The following GALNTL6 variants were observed in gnomAD, a reference collection of about 807,000 sequenced individuals.
GALNTL6 encodes polypeptide N-acetylgalactosaminyltransferase like 6.
GALNTL6 carries 46 observed loss-of-function variants against 73.7 expected under a neutral mutation model. The ratio of observed to expected loss-of-function variants is 0.62; its 90% CI spans 0.49 to 0.80. The LOEUF (loss-of-function observed/expected upper bound fraction) is 0.80. Among genes scored for constraint, GALNTL6 ranks in the 30% least tolerant of loss-of-function variants. The pLI is 0.00. For missense variants in GALNTL6, 604 were observed against 755.0 expected (o/e 0.80, Z 2.34); for synonymous variants, 259 against 263.7 (o/e 0.98, Z 0.17).
At chr4:172,133,901 C>G (rs1579170817) in intron 2 of GALNTL6, among the ~76,000 whole-genome samples, 1 of 152,196 alleles carries the variant, frequency 6.6e-6, no homozygotes, top group Non-Finnish European at 1.5e-5. Flanking sequence ...CTAGCAGATG[C>G]AGATTTTTCT....
intron 2 of GALNTL6, among the ~76,000 whole-genome samples, chr4:171,841,791 GT>G (rs1735245487): frequency 6.6e-6 from 1 of 151,822 alleles, no homozygotes; most frequent in African/African-American, 2.4e-5. Flanking sequence ...CTAATACCAG[GT>G]GCTACATCAC....
At chr4:172,032,756 A>G (rs1167415405) in intron 2 of GALNTL6, among the ~76,000 whole-genome samples, 1 of 152,104 alleles carries the variant, frequency 6.6e-6, no homozygotes, top group African/African-American at 2.4e-5. Context: ...TTTCCAAAAA[A>G]TAGAAATAGA....
rs533334025 is a variant in GALNTL6, at chr4:172,133,025, C to A, written c.139-96631C>A. On this transcript the variant is annotated intron_variant, in intron 2 of 12. Coordinates refer to ENST00000506823, the MANE Select transcript of GALNTL6 (RefSeq NM_001034845.3). ...TAGAAACTACTTACAGGATTTTCCA[C>A]TGAAAATTACAAATGAATGACTTAA... 1.5e-4 allele frequency among the ~76,000 whole-genome samples: 23 copies of A among 152,270 alleles called. No individual in the cohort carries two copies. In the South Asian group the frequency reaches 4.8e-3, roughly 32 times the overall value.
intron 5 of GALNTL6, among the ~76,000 whole-genome samples, chr4:172,368,428 A>T (rs1202969824): frequency 1.3e-5 from 2 of 152,204 alleles, no homozygotes; most frequent in Non-Finnish European, 2.9e-5. Flanking sequence ...GTAGAATGTT[A>T]TCCAGAACCT....
At chr4:171,961,357 C>A (rs1739213227) in intron 2 of GALNTL6, among the ~76,000 whole-genome samples, 1 of 152,132 alleles carries the variant, frequency 6.6e-6, no homozygotes, top group African/African-American at 2.4e-5. Flanking sequence ...CAAGTTCTCT[C>A]AGGGCCTCAA....
chr4:173,031,853 T>C (rs775600790), intron 12 of GALNTL6, among the ~76,000 whole-genome samples: 1 of 152,076 alleles, frequency 6.6e-6, no homozygotes, highest in Non-Finnish European at 1.5e-5. Flanking sequence ...TTAAAGGAAG[T>C]GTACAGGATA....
At chr4:172,922,334 C>G (rs1747839693) in intron 8 of GALNTL6, among the ~76,000 whole-genome samples, 1 of 152,068 alleles carries the variant, frequency 6.6e-6, no homozygotes, top group South Asian at 2.1e-4. Context: ...TCACATCATA[C>G]TACCAAAAAT....
At chr4:172,665,572 T>C (rs1731615433) in intron 5 of GALNTL6, among the ~76,000 whole-genome samples, 1 of 152,202 alleles carries the variant, frequency 6.6e-6, no homozygotes, top group Non-Finnish European at 1.5e-5. Flanking sequence ...CATTAGGGGA[T>C]GGTAAAAATA....
At chr4:172,477,887 A>G (rs1733297229) in intron 5 of GALNTL6, among the ~76,000 whole-genome samples, 2 of 151,886 alleles carry the variant, frequency 1.3e-5, no homozygotes, top group African/African-American at 2.4e-5. Context: ...TATGCAGTAG[A>G]AAAAAAACAG....
At chr4:172,654,397 A>C (rs747312252) in intron 5 of GALNTL6, among the ~76,000 whole-genome samples, 1 of 152,070 alleles carries the variant, frequency 6.6e-6, no homozygotes, top group Non-Finnish European at 1.5e-5. Context: ...ATCAACCTTA[A>C]CTTTAGTTCA....
At chr4:172,707,778 A>C (rs1046518810) in intron 5 of GALNTL6, among the ~76,000 whole-genome samples, 8 of 135,398 alleles carry the variant, frequency 5.9e-5, no homozygotes, top group African/African-American at 2.2e-4. Context: ...TACTAACAAG[A>C]GACATCAAGT....
At chr4:172,687,842 A>T (rs985204418) in intron 5 of GALNTL6, among the ~76,000 whole-genome samples, 1 of 152,170 alleles carries the variant, frequency 6.6e-6, no homozygotes, top group Non-Finnish European at 1.5e-5. Context: ...CAGTCTCGGG[A>T]TTATAAATAT....
chr4:171,831,146 G>T (rs1466060559), intron 2 of GALNTL6, among the ~76,000 whole-genome samples: 1 of 151,910 alleles, frequency 6.6e-6, no homozygotes, highest in African/African-American at 2.4e-5. Context: ...TCCAGCACAA[G>T]TCCTCCTTTG....
intron 2 of GALNTL6, among the ~76,000 whole-genome samples, chr4:171,866,715 C>T (rs1735980083): frequency 6.6e-6 from 1 of 152,178 alleles, no homozygotes; most frequent in South Asian, 2.1e-4. Flanking sequence ...GTTGAAGACA[C>T]TCTTGCACAT....
intron 2 of GALNTL6, among the ~76,000 whole-genome samples, chr4:171,925,781 A>G (rs575246378): frequency 2.0e-4 from 31 of 152,140 alleles, no homozygotes; most frequent in Admixed American, 7.2e-4. Context: ...ATTGATGATA[A>G]TAAGTAACTA....
At chr4:173,035,376 C>T (rs756813305) in intron 12 of GALNTL6, among the ~76,000 whole-genome samples, 1 of 137,196 alleles carries the variant, frequency 7.3e-6, no homozygotes, top group Non-Finnish European at 1.6e-5. Flanking sequence ...CGGGATTTCC[C>T]CATGTTGCTC....
intron 5 of GALNTL6, among the ~76,000 whole-genome samples, chr4:172,631,383 A>G (rs1579263159): frequency 6.6e-6 from 1 of 152,180 alleles, no homozygotes; most frequent in East Asian, 1.9e-4. Context: ...GAGCTCAGGT[A>G]GTCCACCTGC....
chr4:172,814,848 A>G (rs1741511099), intron 7 of GALNTL6, among the ~76,000 whole-genome samples: 1 of 152,168 alleles, frequency 6.6e-6, no homozygotes, highest in African/African-American at 2.4e-5. Context: ...ACCACGCGAG[A>G]GAAGTCGTTT....
At chr4:172,058,142 T>TTTTGTTTTGTTTTGC (rs779842302) in intron 2 of GALNTL6, among the ~76,000 whole-genome samples, 1 of 128,570 alleles carries the variant, frequency 7.8e-6, no homozygotes. Flanking sequence ...TTTTGTTTTG[T>TTTTGTTTTGTTTTGC]TTTGTTTTGT....
Sources: allele counts gnomAD v4.1 joint callset (sites outside exome capture counted in the v4.1 genomes callset), GRCh38; gene constraint gnomAD v4.1.1; transcripts MANE v1.5; gene names NCBI Gene and HGNC (gene_info 2026-07-23, HGNC 2026-07-21).